Variants in INTS2 observed in about 807,000 individuals in gnomAD.
The protein encoded by INTS2 is KIAA1287.
Under a neutral mutation model 139.6 loss-of-function variants are expected in INTS2, and 57 were observed. The ratio of observed to expected loss-of-function variants is 0.41; its 90% CI spans 0.33 to 0.51. INTS2 has a LOEUF of 0.51. INTS2 is among the 20% of genes least tolerant of loss of function. The pLI, the probability that INTS2 is intolerant of heterozygous loss-of-function variation, is 0.28. For synonymous variants in INTS2, 473 were observed against 493.4 expected (o/e 0.96, Z 0.55); for missense variants, 1,196 against 1,436.7 (o/e 0.83, Z 2.71).
At chr17:61,915,502 T>C (rs2079571981) in intron 5 of INTS2, among the ~76,000 whole-genome samples, 2 of 138,420 alleles carry the variant, frequency 1.4e-5, no homozygotes. Context: ...CTCCAGCCTG[T>C]GAAACAGAGT....
intron 5 of INTS2, among the ~76,000 whole-genome samples, chr17:61,914,642 G>C (rs1391239035): frequency 6.6e-6 from 1 of 150,518 alleles, no homozygotes. Flanking sequence ...GGCGGAGCTT[G>C]CAGTGAGCCG....
In INTS2 at chr17:61,895,410, G is replaced by C. The variant is rs374453642; in HGVS notation, c.1495-27C>G. On this transcript the variant is annotated intron_variant, in intron 11 of 24. Coordinates refer to ENST00000251334, the MANE Select transcript of INTS2 (RefSeq NM_001351695.2). The stretch of plus-strand genomic sequence containing the variant: ...TAAAATTACCAAAAGAATTCCAACA[G>C]CATGTAAAAATATATGAAACACAAT... The C allele has an allele frequency of 3.2e-5, 45 of 1,393,222 alleles. 1 individual carries two copies. The African/African-American group carries it at 6.6e-4, about 20-fold the overall frequency. 86.3% of individuals were successfully genotyped at this position (1,393,222 alleles called of 1,614,324 possible). A position where few individuals can be genotyped will look rare whatever the true frequency, so the allele number is the denominator to read the frequency against.
chr17:61,893,518 A>G lies in INTS2; in HGVS notation c.1698+247T>C, dbSNP rs1043050330. On this transcript the variant is annotated intron_variant, in intron 13 of 24. Coordinates refer to ENST00000251334, the MANE Select transcript of INTS2 (RefSeq NM_001351695.2). The surrounding 1 kb of genome is among the most constrained non-coding windows in gnomAD (Gnocchi z 5.4). ...CGACACCAGCCAGCCAACACGGTGA[A>G]ACCCTGTCTCTACTAAAAATACAAA... Among the ~76,000 whole-genome samples, 2 of 152,098 alleles carry G rather than the reference A, an allele frequency of 1.3e-5. No individual in the cohort carries two copies. The highest frequency in any genetic ancestry group is 2.9e-5 in the Non-Finnish European group (2 of 68,018).
intron 9 of INTS2, among the ~76,000 whole-genome samples, chr17:61,898,861 G>C (rs570660410): frequency 6.6e-6 from 1 of 152,048 alleles, no homozygotes; most frequent in Middle Eastern, 3.4e-3. Flanking sequence ...TGACTGACCC[G>C]CCTCAGCCTC....
intron 11 of INTS2, among the ~76,000 whole-genome samples, chr17:61,896,273 A>T (rs2079348638): frequency 6.6e-6 from 1 of 151,346 alleles, no homozygotes; most frequent in South Asian, 2.1e-4. Context: ...CATTTAATAT[A>T]CTACATAAAA....
intron 17 of INTS2, among the ~76,000 whole-genome samples, chr17:61,879,356 T>C (rs756519141): frequency 2.0e-5 from 3 of 152,144 alleles, no homozygotes; most frequent in East Asian, 1.9e-4. Context: ...ACCCAGAAGA[T>C]TGCTGTTACT....
chr17:61,919,817 C>T (rs945458902), intron 4 of INTS2, among the ~76,000 whole-genome samples: 1 of 152,100 alleles, frequency 6.6e-6, no homozygotes, highest in Admixed American at 6.5e-5. Flanking sequence ...CAGCCTCAAC[C>T]TCCTGGGCTC....
Position 61,873,034 on chromosome 17 carries a change from T to A in INTS2, c.2583-574A>T, listed in dbSNP as rs1406494971. 2.6e-5 allele frequency among the ~76,000 whole-genome samples: 4 copies of A among 152,318 alleles called. No individual in the cohort carries two copies. Among genetic ancestry groups the A allele is most frequent in the Non-Finnish European group, 5.9e-5 (4 of 68,022 alleles). On this transcript the variant is annotated intron_variant, in intron 19 of 24. Transcript: ENST00000251334. The surrounding 1 kb of genome is among the most constrained non-coding windows in gnomAD (Gnocchi z 4.0). ...CTACATAGTAGAATGAAAATCTGAATTAAAAGTCTTGAAAATGAGCACGAC... is the reference window on the plus strand; with the variant it reads ...CTACATAGTAGAATGAAAATCTGAAATAAAAGTCTTGAAAATGAGCACGAC...
chr17:61,871,697 G>A lies in INTS2; in HGVS notation c.2778+568C>T, dbSNP rs1228257781. ...GCCTGTAATCCCAGCACTTTGGGAA[G>A]CTGAGGTGGGTGGATCACCTCAAGT... On this transcript the variant is annotated intron_variant, in intron 20 of 24. Transcript: ENST00000251334. The surrounding 1 kb of genome is among the most constrained non-coding windows in gnomAD (Gnocchi z 4.9). Among the ~76,000 whole-genome samples, 1 of 152,090 alleles carries A rather than the reference G, an allele frequency of 6.6e-6. No homozygotes were observed. The highest frequency in any genetic ancestry group is 1.5e-5 in the Non-Finnish European group (1 of 68,026).
chr17:61,891,812 C>A, intron 13 of INTS2, 123 bp from the exon 14 acceptor site: 1 of 676,012 alleles, frequency 1.5e-6, no homozygotes, highest in Non-Finnish European at 2.4e-6. Flanking sequence ...TAACTTTTGG[C>A]AGTTCCAAAT....
At chr17:61,887,176 T>G (rs537774516) in intron 15 of INTS2, among the ~76,000 whole-genome samples, 11 of 152,210 alleles carry the variant, frequency 7.2e-5, no homozygotes, top group African/African-American at 2.4e-4. Flanking sequence ...AGGGTTTACA[T>G]GAGTTAACTA....
intron 5 of INTS2, among the ~76,000 whole-genome samples, chr17:61,915,140 C>A (rs2079566981): frequency 6.6e-6 from 1 of 151,734 alleles, no homozygotes; most frequent in Non-Finnish European, 1.5e-5. Flanking sequence ...AGATCAAGAC[C>A]ATCCTGGTTA....
At position 61,925,111 on chromosome 17, in the gene INTS2, CAAAACAT is replaced by C; in HGVS notation, c.294-19_294-13del. The C allele has an allele frequency of 6.2e-7, 1 of 1,609,772 alleles. No individual in the cohort carries two copies. The highest frequency in any genetic ancestry group is 8.5e-7 in the Non-Finnish European group (1 of 1,176,832). Reference sequence around the variant, plus strand: ...CTCCAAGTTTATGCCTAATGAAGTACAAAACATGTAACAATTATGAAAACACTGATAT... The same window carrying C: ...CTCCAAGTTTATGCCTAATGAAGTACGTAACAATTATGAAAACACTGATAT... On this transcript the variant is annotated splice_polypyrimidine_tract_variant and intron_variant, in intron 2 of 24. Transcript: ENST00000251334.
chr17:61,896,471 C>T (rs546549265), intron 11 of INTS2, among the ~76,000 whole-genome samples: 237 of 152,074 alleles, frequency 1.6e-3, no homozygotes, highest in African/African-American at 5.5e-3. Flanking sequence ...TACATGTCAA[C>T]TGTAAAATGA....
rs1048405575 is a variant in INTS2 at position 61,873,452 on chromosome 17, A to C, written c.2583-992T>G. On this transcript the variant is annotated intron_variant, in intron 19 of 24. Coordinates refer to ENST00000251334, the MANE Select transcript of INTS2 (RefSeq NM_001351695.2). This position sits in a 1 kb window ranked among gnomAD's most constrained non-coding sequence, Gnocchi z 4.0. ...AATCCGAGCTACAAAAACATTAGATACAATTTGATAACAGAATTTAACAAC... is the reference window on the plus strand; with the variant it reads ...AATCCGAGCTACAAAAACATTAGATCCAATTTGATAACAGAATTTAACAAC... Among the ~76,000 whole-genome samples the C allele has an allele frequency of 1.3e-5, 2 of 152,218 alleles. No individual in the cohort carries two copies. Among genetic ancestry groups the C allele is most frequent in the African/African-American group, 4.8e-5 (2 of 41,464 alleles).
intron 9 of INTS2, among the ~76,000 whole-genome samples, chr17:61,902,874 A>C (rs1218999077): frequency 6.6e-6 from 1 of 151,382 alleles, no homozygotes; most frequent in Non-Finnish European, 1.5e-5. Context: ...AAAAAAAAAA[A>C]AAAAAACAGA....
chr17:61,918,844 T>C (rs1259012779), intron 5 of INTS2, among the ~76,000 whole-genome samples: 2 of 152,120 alleles, frequency 1.3e-5, no homozygotes, highest in African/African-American at 4.8e-5. Flanking sequence ...ATATCCCGTA[T>C]TGCTCTCTTG....
At chr17:61,884,771 G>A in intron 16 of INTS2, 130 bp downstream of exon 16, 1 of 661,184 alleles carries the variant, frequency 1.5e-6, no homozygotes. Flanking sequence ...TAGTGAGGGA[G>A]GCAAAGAGGA....
chr17:61,873,609 T>G lies in INTS2; in HGVS notation c.2583-1149A>C, dbSNP rs1403174010. On this transcript the variant is annotated intron_variant, in intron 19 of 24. Transcript: ENST00000251334. The surrounding 1 kb of genome is among the most constrained non-coding windows in gnomAD (Gnocchi z 4.0). ...AAGTGTTATTTATTGTGGTTTCCTT[T>G]TATTAGATACTTAACATCATTTACA... Among the ~76,000 whole-genome samples the G allele has an allele frequency of 6.6e-6, 1 of 152,212 alleles. No individual in the cohort carries two copies. The highest frequency in any genetic ancestry group is 2.4e-5 in the African/African-American group (1 of 41,448).
Sources: gnomAD v4.1 joint callset for allele counts (sites outside exome capture counted in the v4.1 genomes callset) on GRCh38, gnomAD v4.1.1 for gene constraint, Gnocchi (gnomAD v3.1) non-coding constraint, MANE v1.5 for transcripts, NCBI Gene and HGNC (gene_info 2026-07-23, HGNC 2026-07-21) for gene names.